Variants in UNC13C observed in about 807,000 individuals in gnomAD.
UNC13C encodes unc-13 homolog C.
A neutral mutation model predicts 245.4 loss-of-function variants in UNC13C; 174 were observed. The observed-to-expected ratio is 0.71, with a 90% CI of 0.63 to 0.80. The LOEUF is 0.80. Ranked by LOEUF, UNC13C falls within the 30% of genes least tolerant of loss-of-function variation. UNC13C has a pLI of 0.00. For missense variants in UNC13C, 2,829 were observed against 2,602.9 expected (o/e 1.09, Z -1.89); for synonymous variants, 992 against 895.1 (o/e 1.11, Z -1.93).
chr15:54,442,454 C>T (rs1471067498), intron 19 of UNC13C, among the ~76,000 whole-genome samples: 1 of 151,940 alleles, frequency 6.6e-6, no homozygotes, highest in Non-Finnish European at 1.5e-5. Flanking sequence ...AACTCCTAAC[C>T]TCAGGTGATC....
At chr15:54,598,901 G>T (rs1435520446) in intron 30 of UNC13C, among the ~76,000 whole-genome samples, 1 of 152,126 alleles carries the variant, frequency 6.6e-6, no homozygotes, top group East Asian at 1.9e-4. Flanking sequence ...AACAGTAGGA[G>T]TATTTGTTTT....
At chr15:53,873,332 C>G in the UNC13C span, among the ~76,000 whole-genome samples, 2 of 152,102 alleles carry the variant, frequency 1.3e-5, no homozygotes, top group Non-Finnish European at 2.9e-5. Context: ...CTCATCCTGT[C>G]TCATTCCCTG....
intron 4 of UNC13C, among the ~76,000 whole-genome samples, chr15:54,160,007 G>T (rs1171180985): frequency 6.6e-6 from 1 of 152,080 alleles, no homozygotes; most frequent in Non-Finnish European, 1.5e-5. Flanking sequence ...AGGCATTCAA[G>T]CCATGAGTTT....
At chr15:54,588,307 ATTACT>A (rs1009199901) in intron 30 of UNC13C, among the ~76,000 whole-genome samples, 4 of 152,214 alleles carry the variant, frequency 2.6e-5, no homozygotes, top group African/African-American at 9.7e-5. Context: ...CACATTATTA[ATTACT>A]TTAAATCTCA....
the UNC13C span, among the ~76,000 whole-genome samples, chr15:53,845,281 C>T: frequency 2.0e-5 from 3 of 147,820 alleles, no homozygotes; most frequent in East Asian, 6.0e-4. Flanking sequence ...GCTGACACCA[C>T]ACCATTGCAC....
intron 2 of UNC13C, among the ~76,000 whole-genome samples, chr15:54,084,100 G>T (rs1004130246): frequency 6.6e-6 from 1 of 152,210 alleles, no homozygotes; most frequent in African/African-American, 2.4e-5. Flanking sequence ...TTTCTTCGGG[G>T]CTCCACGTTG....
At chr15:54,191,022 C>A (rs952298097) in intron 4 of UNC13C, among the ~76,000 whole-genome samples, 1 of 152,054 alleles carries the variant, frequency 6.6e-6, no homozygotes, top group African/African-American at 2.4e-5. Context: ...TTTAGTTCCT[C>A]AATTTTTTAG....
At chr15:54,238,911 C>T (rs1034564068) in intron 7 of UNC13C, among the ~76,000 whole-genome samples, 2 of 152,202 alleles carry the variant, frequency 1.3e-5, no homozygotes, top group Admixed American at 6.5e-5. Flanking sequence ...GATGGGGTCT[C>T]ATTCTCAGCC....
At chr15:54,431,548 C>A (rs2040873953) in intron 19 of UNC13C, among the ~76,000 whole-genome samples, 1 of 151,640 alleles carries the variant, frequency 6.6e-6, no homozygotes, top group African/African-American at 2.4e-5. Flanking sequence ...ACTATTCTTG[C>A]AAAATCCAAT....
the UNC13C span, among the ~76,000 whole-genome samples, chr15:53,933,520 C>T: frequency 1.6e-4 from 25 of 152,210 alleles, no homozygotes; most frequent in East Asian, 7.7e-4. Context: ...GGATACACCC[C>T]ACTGTGGAAG....
intron 19 of UNC13C, among the ~76,000 whole-genome samples, chr15:54,424,259 CTTTG>C (rs1171325398): frequency 3.3e-5 from 5 of 151,566 alleles, no homozygotes; most frequent in East Asian, 1.9e-4. Flanking sequence ...AAATCTGTGA[CTTTG>C]TTTGGAGACT....
intron 18 of UNC13C, among the ~76,000 whole-genome samples, chr15:54,404,982 T>C (rs922102367): frequency 6.6e-6 from 1 of 152,194 alleles, no homozygotes; most frequent in East Asian, 1.9e-4. Flanking sequence ...TTTCATTCAC[T>C]TTATGTGATT....
chr15:54,411,281 C>G (rs867151951), intron 18 of UNC13C, among the ~76,000 whole-genome samples: 1 of 151,878 alleles, frequency 6.6e-6, no homozygotes, highest in Non-Finnish European at 1.5e-5. Context: ...TTTTTTCTCC[C>G]TGTTTGTGGC....
At chr15:54,161,237 C>T (rs972483360) in intron 4 of UNC13C, among the ~76,000 whole-genome samples, 2 of 152,024 alleles carry the variant, frequency 1.3e-5, no homozygotes, top group African/African-American at 4.8e-5. Flanking sequence ...TAGCCGAGAC[C>T]ACAGGTGCAT....
At chr15:54,597,580 G>C (rs990578253) in intron 30 of UNC13C, among the ~76,000 whole-genome samples, 1 of 152,186 alleles carries the variant, frequency 6.6e-6, no homozygotes, top group African/African-American at 2.4e-5. Context: ...AAAGGGGCAA[G>C]AGAGTACCCG....
intron 11 of UNC13C, 71 bp from the exon 12 acceptor site, chr15:54,297,740 C>T (rs1044619528): frequency 7.7e-6 from 9 of 1,166,366 alleles, no homozygotes; most frequent in East Asian, 2.5e-5. Flanking sequence ...TGTTTTTTAG[C>T]TTTTGAGAGG....
chr15:53,869,602 C>T, the UNC13C span, among the ~76,000 whole-genome samples: 14 of 152,262 alleles, frequency 9.2e-5, no homozygotes, highest in Admixed American at 5.9e-4. Context: ...GGGGCTGTCC[C>T]GCAGACCCTG....
At chr15:54,182,870 G>T (rs1329184721) in intron 4 of UNC13C, among the ~76,000 whole-genome samples, 2 of 151,854 alleles carry the variant, frequency 1.3e-5, no homozygotes, top group East Asian at 1.9e-4. Flanking sequence ...AAAAAGAAAT[G>T]ATATACAGCC....
intron 10 of UNC13C, among the ~76,000 whole-genome samples, chr15:54,273,985 C>T (rs1297329477): frequency 2.0e-5 from 3 of 152,094 alleles, no homozygotes; most frequent in African/African-American, 7.2e-5. Context: ...ATAAATAATT[C>T]GTTGAACATG....
Sources: gnomAD v4.1 joint callset for allele counts (sites outside exome capture counted in the v4.1 genomes callset) on GRCh38, gnomAD v4.1.1 for gene constraint, MANE v1.5 for transcripts, NCBI Gene and HGNC (gene_info 2026-07-23, HGNC 2026-07-21) for gene names.